XPR1: variants seen among roughly 807,000 people sequenced by gnomAD.
XPR1 encodes the protein xenotropic and polytropic retrovirus receptor 1, also known as solute carrier family 53 member 1.
XPR1 carries 28 observed loss-of-function variants against 87.5 expected under a neutral mutation model. The observed-to-expected ratio is 0.32, with a 90% CI of 0.24 to 0.44. The LOEUF (loss-of-function observed/expected upper bound fraction) is 0.44, where lower values mean the gene tolerates loss of function less well. XPR1 is among the 20% of genes least tolerant of loss of function. The pLI, the probability that XPR1 is intolerant of heterozygous loss-of-function variation, is 1.00. For synonymous variants in XPR1, 300 were observed against 306.1 expected (o/e 0.98, Z 0.21); for missense variants, 559 against 862.3 (o/e 0.65, Z 4.41).
intron 11 of XPR1, among the ~76,000 whole-genome samples, chr1:180,840,865 T>C (rs1382477982): frequency 2.6e-5 from 4 of 151,920 alleles, no homozygotes; most frequent in Non-Finnish European, 5.9e-5. Context: ...ACCAGGTAGA[T>C]AGGTAGACAG....
chr1:180,686,461 C>T (rs1656780404), intron 2 of XPR1, among the ~76,000 whole-genome samples: 3 of 152,074 alleles, frequency 2.0e-5, no homozygotes, highest in Admixed American at 6.6e-5. Context: ...AATGTATATT[C>T]TGTTATTTGG....
intron 1 of XPR1, among the ~76,000 whole-genome samples, chr1:180,664,584 C>T (rs7550955): frequency 0.043 from 6,538 of 152,226 alleles, 502 homozygotes; most frequent in African/African-American, 0.15. Flanking sequence ...TCTTTTGGAG[C>T]TTCAAGCCTT....
intron 1 of XPR1, among the ~76,000 whole-genome samples, chr1:180,646,633 C>G (rs764585323): frequency 2.0e-5 from 3 of 152,116 alleles, no homozygotes; most frequent in Non-Finnish European, 4.4e-5. Flanking sequence ...CCTCTGCTGT[C>G]TCATCATTGG....
At chr1:180,843,596 G>T (rs1651586133) in intron 11 of XPR1, among the ~76,000 whole-genome samples, 1 of 151,026 alleles carries the variant, frequency 6.6e-6, no homozygotes. Context: ...ATTTTTAAAT[G>T]GTTTTATAAT....
intron 2 of XPR1, among the ~76,000 whole-genome samples, chr1:180,765,294 A>C (rs538558005): frequency 6.6e-6 from 1 of 152,294 alleles, no homozygotes; most frequent in Admixed American, 6.5e-5. Flanking sequence ...GCCAAATTCC[A>C]AATTAACTTT....
At chr1:180,717,475 T>C (rs139747782) in intron 2 of XPR1, among the ~76,000 whole-genome samples, 1 of 152,300 alleles carries the variant, frequency 6.6e-6, no homozygotes, top group Non-Finnish European at 1.5e-5. Flanking sequence ...CCAAAGAGTA[T>C]TGACAGATTA....
chr1:180,776,886 G>T (rs1453253643), intron 2 of XPR1, among the ~76,000 whole-genome samples: 3 of 152,028 alleles, frequency 2.0e-5, no homozygotes, highest in African/African-American at 7.2e-5. Flanking sequence ...GTTCTACCAA[G>T]AATATTTTAA....
chr1:180,807,085 A>G (rs76361027), intron 6 of XPR1, among the ~76,000 whole-genome samples: 1 of 152,032 alleles, frequency 6.6e-6, no homozygotes. Flanking sequence ...TAAAAAAAAA[A>G]TAAAACCTCT....
chr1:180,774,780 C>G (rs1254599666), intron 2 of XPR1, among the ~76,000 whole-genome samples: 1 of 152,086 alleles, frequency 6.6e-6, no homozygotes, highest in Non-Finnish European at 1.5e-5. Context: ...AGCTATATGT[C>G]TTAGTCCATC....
chr1:180,830,170 A>G (rs895995068), intron 9 of XPR1, among the ~76,000 whole-genome samples: 1 of 152,154 alleles, frequency 6.6e-6, no homozygotes, highest in African/African-American at 2.4e-5. Context: ...TATTACAGAA[A>G]CTGGTGCCAG....
At chr1:180,641,913 G>A (rs911849604) in intron 1 of XPR1, among the ~76,000 whole-genome samples, 1 of 152,238 alleles carries the variant, frequency 6.6e-6, no homozygotes, top group Admixed American at 6.5e-5. Context: ...TTTTAAGAAT[G>A]AAGTTTCTTT....
rs1169554288 is a variant in XPR1, at chr1:180,656,496, ATTATATATAATAT to A, written c.69+24248_69+24260del. ...TATACATTATATATAATATTTATAT[ATTATATATAATAT>A]TTATATATAATATTTATATATTATA... is the stretch of plus-strand genomic sequence containing the variant. On this transcript the variant is annotated intron_variant, in intron 1 of 14. Transcript: ENST00000367590. Among the ~76,000 whole-genome samples, 17 of 5,474 alleles carry A rather than the reference ATTATATATAATAT, an allele frequency of 3.1e-3. 2 individuals carry two copies. Among genetic ancestry groups the A allele is most frequent in the African/African-American group, 0.019 (17 of 896 alleles). 3.6% of individuals were successfully genotyped at this position (5,474 alleles called of 152,430 possible). A position where few individuals can be genotyped will look rare whatever the true frequency, so the allele number is the denominator to read the frequency against.
At position 180,743,224 on chromosome 1, in the gene XPR1, T is replaced by TGG. The variant is rs1553243627; in HGVS notation, c.122-44522_122-44521dup. Among the ~76,000 whole-genome samples, 6 of 149,466 alleles carry TGG rather than the reference T, an allele frequency of 4.0e-5. No homozygotes were observed. The East Asian group carries it at 9.9e-4, about 25-fold the overall frequency. On this transcript the variant is annotated intron_variant, in intron 2 of 14. Coordinates refer to ENST00000367590, the MANE Select transcript of XPR1 (RefSeq NM_004736.4). The stretch of plus-strand genomic sequence containing the variant: ...TTCTGTTCATTTTCCCTTTTTTTTT[T>TGG]GGGGGGGGAGTATTTTAATATTTTT...
chr1:180,846,809 A>C (rs897731505), intron 11 of XPR1, among the ~76,000 whole-genome samples: 1 of 151,768 alleles, frequency 6.6e-6, no homozygotes, highest in Non-Finnish European at 1.5e-5. Context: ...AAATATTCAG[A>C]GTGAAGAAAC....
At chr1:180,844,150 G>T (rs575297473) in intron 11 of XPR1, among the ~76,000 whole-genome samples, 2 of 152,178 alleles carry the variant, frequency 1.3e-5, no homozygotes, top group Non-Finnish European at 2.9e-5. Context: ...GGCGGAGGTT[G>T]CAGTGAGCCG....
chr1:180,826,796 T>G (rs890400817), intron 9 of XPR1, among the ~76,000 whole-genome samples: 1 of 152,158 alleles, frequency 6.6e-6, no homozygotes, highest in Non-Finnish European at 1.5e-5. Flanking sequence ...AAGGTTTTTT[T>G]GTTCTTAGCC....
At position 180,727,691 on chromosome 1, in the gene XPR1, A is replaced by G. The variant is rs147804453; in HGVS notation, c.121+45280A>G. 1.5e-3 allele frequency among the ~76,000 whole-genome samples: 232 copies of G among 152,286 alleles called. 1 individual carries two copies. The highest frequency in any genetic ancestry group is 3.4e-3 in the Middle Eastern group (1 of 294). On this transcript the variant is annotated intron_variant, in intron 2 of 14. Coordinates refer to ENST00000367590, the MANE Select transcript of XPR1 (RefSeq NM_004736.4). The stretch of plus-strand genomic sequence containing the variant: ...ACAAAAAACGAAAGAAAGTAAAGGA[A>G]TGAAGGAATGGCTGCTCCATAGACA...
At chr1:180,763,343 C>T (rs1439310508) in intron 2 of XPR1, among the ~76,000 whole-genome samples, 1 of 152,118 alleles carries the variant, frequency 6.6e-6, no homozygotes, top group Non-Finnish European at 1.5e-5. Context: ...AATCTCTGGC[C>T]TGTGACTATT....
At chr1:180,843,613 C>G (rs886987576) in intron 11 of XPR1, among the ~76,000 whole-genome samples, 1 of 150,876 alleles carries the variant, frequency 6.6e-6, no homozygotes, top group Non-Finnish European at 1.5e-5. Flanking sequence ...TAATTATATC[C>G]CATCTTAAAT....
Sources: allele counts gnomAD v4.1 joint callset (sites outside exome capture counted in the v4.1 genomes callset), GRCh38; gene constraint gnomAD v4.1.1; transcripts MANE v1.5; gene names NCBI Gene and HGNC (gene_info 2026-07-23, HGNC 2026-07-21).